The following EXOSC9 variants were observed in gnomAD, a reference collection of about 807,000 sequenced individuals.
EXOSC9 encodes exosome complex component RRP45.
In EXOSC9, 38 loss-of-function variants were observed where a neutral mutation model predicts 56.5. That is an observed-to-expected ratio of 0.67 (90% CI 0.52 to 0.88). EXOSC9 has a LOEUF of 0.88. Among genes scored for constraint, EXOSC9 ranks in the 40% least tolerant of loss-of-function variants. EXOSC9 has a pLI of 0.00. For missense variants in EXOSC9, 559 were observed against 530.5 expected (o/e 1.05, Z -0.53); for synonymous variants, 170 against 170.8 (o/e 0.99, Z 0.04).
intron 1 of EXOSC9, 126 bp from the exon 2 acceptor site, chr4:121,801,701 C>A (rs915192796): frequency 1.2e-6 from 1 of 862,678 alleles, no homozygotes; most frequent in South Asian, 1.4e-5. Flanking sequence ...TTTCCACTTT[C>A]CTGTATGGGC....
intron 5 of EXOSC9, among the ~76,000 whole-genome samples, chr4:121,806,529 G>A (rs959389999): frequency 3.3e-5 from 5 of 151,984 alleles, no homozygotes; most frequent in African/African-American, 7.3e-5. Flanking sequence ...AAGAATCTAC[G>A]GGAGGAATAA....
intron 4 of EXOSC9, among the ~76,000 whole-genome samples, chr4:121,803,918 A>T (rs1345935566): frequency 6.6e-6 from 1 of 152,232 alleles, no homozygotes; most frequent in African/African-American, 2.4e-5. Context: ...ATACCTAAGC[A>T]TAATACTTCC....
intron 9 of EXOSC9, 64 bp downstream of exon 9, chr4:121,813,444 C>A: frequency 1.4e-6 from 2 of 1,418,542 alleles, no homozygotes; most frequent in Non-Finnish European, 9.8e-7. Flanking sequence ...TAATATTAGG[C>A]TATATGAAGG....
At chr4:121,808,111 C>T (rs1020256211) in intron 6 of EXOSC9, among the ~76,000 whole-genome samples, 1 of 152,192 alleles carries the variant, frequency 6.6e-6, no homozygotes, top group Non-Finnish European at 1.5e-5. Context: ...CATTACTTAA[C>T]TGCTAAATCC....
chr4:121,815,858 A>G (rs1724477640), intron 10 of EXOSC9: 16 of 1,112,902 alleles, frequency 1.4e-5, no homozygotes, highest in Non-Finnish European at 1.6e-5. Flanking sequence ...CCAAATTGTC[A>G]CACCATTCAA....
rs569571758 is a variant in EXOSC9, at chr4:121,809,819, C to T, written c.606-148C>T. 3.4e-5 allele frequency: 26 copies of T among 755,000 alleles called. 1 individual carries two copies. In the South Asian group the frequency reaches 3.7e-4, roughly 11 times the overall value. The allele number at this position is 755,000 out of a possible 1,614,324, so 46.8% of individuals were successfully genotyped here. Reference sequence around the variant, plus strand: ...CATAAACACAATAATTTTCTTGTCTCTTTCCCCATTTCAGTGACCCAAATC... The same window carrying T: ...CATAAACACAATAATTTTCTTGTCTTTTTCCCCATTTCAGTGACCCAAATC... On this transcript the variant is annotated intron_variant, in intron 6 of 11. Coordinates refer to ENST00000243498, the MANE Select transcript of EXOSC9 (RefSeq NM_005033.3).
At chr4:121,802,652 C>G in intron 2 of EXOSC9, 22 bp from the exon 3 acceptor site, 1 of 1,610,140 alleles carries the variant, frequency 6.2e-7, no homozygotes, top group Non-Finnish European at 8.5e-7. Flanking sequence ...TTGGTTAATA[C>G]TTTGTAACTT....
Position 121,801,459 on chromosome 4 carries a change from G to A in EXOSC9, c.35G>A (p.Arg12His), listed in dbSNP as rs768690807. ...KETPLSNCER[R>H]FLLRAIEEKK... ...ACGCCACTCTCAAACTGCGAACGCC[G>A]CTTCCTACTCCGTGCCATCGAAGAG... Residue 12 changes from arginine to histidine, a missense_variant, in exon 1 of 12, where the codon CGC becomes CAC. Arg to His is a conservative substitution (Grantham distance 29). Transcript: ENST00000243498. 1 of 1,614,186 alleles carries A rather than the reference G, an allele frequency of 6.2e-7. No individual in the cohort carries two copies. The highest frequency in any genetic ancestry group is 1.7e-5 in the Admixed American group (1 of 60,024).
At chr4:121,812,656 A>G (rs1281038670) in intron 8 of EXOSC9, among the ~76,000 whole-genome samples, 1 of 151,998 alleles carries the variant, frequency 6.6e-6, no homozygotes, top group Non-Finnish European at 1.5e-5. Context: ...ATGCCCGGCT[A>G]ATTTTTATAT....
At chr4:121,807,516 A>G in intron 5 of EXOSC9, 24 bp from the exon 6 acceptor site, 1 of 1,436,858 alleles carries the variant, frequency 7.0e-7, no homozygotes, top group Non-Finnish European at 9.7e-7. Context: ...GACTATAATT[A>G]TTAAACATTT....
chr4:121,812,248 C>T (rs903223302), intron 8 of EXOSC9, among the ~76,000 whole-genome samples: 15 of 152,164 alleles, frequency 9.9e-5, no homozygotes, highest in African/African-American at 3.4e-4. Flanking sequence ...AAGAGGTCTT[C>T]ATTAATCCAG....
intron 4 of EXOSC9, among the ~76,000 whole-genome samples, chr4:121,804,045 G>T (rs1207334760): frequency 1.3e-5 from 2 of 152,026 alleles, no homozygotes; most frequent in African/African-American, 4.8e-5. Context: ...CTCTCGTCCA[G>T]GCCGGAGTAC....
chr4:121,811,782 A>G (rs999203077), intron 8 of EXOSC9, 111 bp downstream of exon 8: 1 of 498,862 alleles, frequency 2.0e-6, no homozygotes, highest in African/African-American at 2.0e-5. Context: ...TTCACATACA[A>G]AGTTAGAATG....
At chr4:121,816,738 C>G (rs1393661081) in intron 11 of EXOSC9, 34 bp from the exon 12 acceptor site, 1 of 1,544,606 alleles carries the variant, frequency 6.5e-7, no homozygotes, top group Non-Finnish European at 8.7e-7. Context: ...ACTTAACATA[C>G]TCTTAGTAAA....
intron 10 of EXOSC9, chr4:121,815,844 T>C (rs1258007520): frequency 9.2e-7 from 1 of 1,088,694 alleles, no homozygotes; most frequent in East Asian, 5.6e-5. Flanking sequence ...TATTATGACA[T>C]GTACCAAATT....
chr4:121,802,583 C>A, intron 2 of EXOSC9, 91 bp from the exon 3 acceptor site: 1 of 1,227,872 alleles, frequency 8.1e-7, no homozygotes, highest in Non-Finnish European at 1.2e-6. Flanking sequence ...TGATATTACT[C>A]ACATTAAGAT....
At chr4:121,813,776 C>A in intron 9 of EXOSC9, 90 bp from the exon 10 acceptor site, 1 of 940,744 alleles carries the variant, frequency 1.1e-6, no homozygotes, top group Non-Finnish European at 1.6e-6. Context: ...ACACTTGAAT[C>A]AATCTTACAA....
Position 121,814,002 on chromosome 4 carries a change from A to G in EXOSC9, c.1111A>G (p.Ile371Val). 1 of 1,613,838 alleles carries G rather than the reference A, an allele frequency of 6.2e-7. No individual in the cohort carries two copies. Among genetic ancestry groups the G allele is most frequent in the Non-Finnish European group, 8.5e-7 (1 of 1,179,854 alleles). The change falls in exon 10 of 12, where the codon ATA (isoleucine) becomes GTA (valine). Residue 371 changes from isoleucine (I) to valine (V), a missense_variant. Ile to Val is a conservative substitution (Grantham distance 29, BLOSUM62 3). Transcript: ENST00000243498. The stretch of plus-strand genomic sequence containing the variant: ...TGATCAAGCTATCATTCTTGATGGT[A>G]TAAAAATGGACACTGGAGTAGAAGT... The part of the protein sequence containing the change: ...GGDQAIILDG[I>V]KMDTGVEVSD...
At chr4:121,811,136 G>A (rs1374243718) in intron 7 of EXOSC9, among the ~76,000 whole-genome samples, 2 of 152,154 alleles carry the variant, frequency 1.3e-5, no homozygotes, top group Non-Finnish European at 2.9e-5. Flanking sequence ...CTGTAAAATA[G>A]GGAATGATGT....
Sources: allele counts gnomAD v4.1 joint callset (sites outside exome capture counted in the v4.1 genomes callset), GRCh38; gene constraint gnomAD v4.1.1; transcripts MANE v1.5; gene names NCBI Gene and HGNC (gene_info 2026-07-23, HGNC 2026-07-21).